The following COL4A6 variants were observed in gnomAD, a reference collection of about 807,000 sequenced individuals.
COL4A6 encodes the protein collagen type IV alpha 6 chain, also known as collagen alpha-6(IV) chain.
Under a neutral mutation model 126.7 loss-of-function variants are expected in COL4A6, and 59 were observed. That is an observed-to-expected ratio of 0.47 (90% CI 0.38 to 0.58). The LOEUF is 0.58. Ranked by LOEUF, COL4A6 falls within the 20% of genes least tolerant of loss-of-function variation. The pLI is 0.00. For missense variants in COL4A6, 1,285 were observed against 1,337.3 expected (o/e 0.96, Z 0.61); for synonymous variants, 547 against 496.6 (o/e 1.10, Z -1.35).
intron 3 of COL4A6, among the ~76,000 whole-genome samples, chrX:108,245,705 C>T (rs1038784608): frequency 2.7e-5 from 3 of 111,754 alleles, no homozygotes; most frequent in African/African-American, 9.7e-5. Context: ...CATATTTTAG[C>T]AGAGGAAACA....
intron 23 of COL4A6, among the ~76,000 whole-genome samples, chrX:108,186,851 T>C (rs906129050): frequency 1.8e-5 from 2 of 111,220 alleles, no homozygotes; most frequent in Non-Finnish European, 3.8e-5. Flanking sequence ...CTCTGTTACA[T>C]TTTCAGACTG....
intron 3 of COL4A6, among the ~76,000 whole-genome samples, chrX:108,308,873 T>C (rs1280885984): frequency 8.9e-6 from 1 of 111,789 alleles, no homozygotes; most frequent in Non-Finnish European, 1.9e-5. Flanking sequence ...CAAGGAGGCC[T>C]ACTCTAAGAT....
chrX:108,205,447 C>CTTT lies in COL4A6; in HGVS notation c.676_678dup (p.Lys226dup). 3 of 1,202,368 alleles carry CTTT rather than the reference C, an allele frequency of 2.5e-6. No homozygotes were observed. Among genetic ancestry groups the CTTT allele is most frequent in the Non-Finnish European group, 3.4e-6 (3 of 887,202 alleles). On this transcript the variant is annotated inframe_insertion, in exon 11 of 45. Transcript: ENST00000334504. ...TTTTAAAAGCTGTTTACCTTGACTC[C>CTTT]TTTCTCTCCTTGAAAACCTAGCCCC...
At chrX:108,326,378 TAAAG>T (rs762114663) in intron 2 of COL4A6, among the ~76,000 whole-genome samples, 37 of 111,502 alleles carry the variant, frequency 3.3e-4, no homozygotes, top group African/African-American at 1.1e-3. Flanking sequence ...CTGAGAAAAT[TAAAG>T]AAGGCTTAAA....
chrX:108,237,617 A>G (rs776010824), intron 3 of COL4A6, among the ~76,000 whole-genome samples: 3 of 111,923 alleles, frequency 2.7e-5, no homozygotes, highest in Non-Finnish European at 5.6e-5. Flanking sequence ...AAAATCACTT[A>G]AAAATTTTGG....
intron 2 of COL4A6, among the ~76,000 whole-genome samples, chrX:108,324,403 C>T (rs1486984561): frequency 8.9e-6 from 1 of 111,813 alleles, no homozygotes; most frequent in Non-Finnish European, 1.9e-5. Context: ...AAATGTTGCC[C>T]ATAATGTTCT....
intron 2 of COL4A6, among the ~76,000 whole-genome samples, chrX:108,386,104 T>C (rs1301354900): frequency 8.9e-6 from 1 of 111,994 alleles, no homozygotes; most frequent in Non-Finnish European, 1.9e-5. Flanking sequence ...CACATTTTCT[T>C]TATCCAGTCT....
chrX:108,389,831 C>A (rs1179002829), intron 2 of COL4A6, among the ~76,000 whole-genome samples: 1 of 111,487 alleles, frequency 9.0e-6, no homozygotes, highest in Non-Finnish European at 1.9e-5. Context: ...CGTCGATGGT[C>A]TTTACAATTT....
chrX:108,376,607 AAAAAT>A (rs57901693), intron 2 of COL4A6, among the ~76,000 whole-genome samples: 33 of 110,903 alleles, frequency 3.0e-4, no homozygotes, highest in African/African-American at 9.4e-4. Flanking sequence ...TCTGTCTCAA[AAAAAT>A]AAAATAAAAT....
chrX:108,197,558 T>C (rs1162357157), intron 13 of COL4A6, among the ~76,000 whole-genome samples: 3 of 111,773 alleles, frequency 2.7e-5, no homozygotes, highest in Non-Finnish European at 3.8e-5. Context: ...ACATCTGTTG[T>C]CCCTTTAATG....
At chrX:108,313,944 T>TCC (rs2038822026) in intron 2 of COL4A6, among the ~76,000 whole-genome samples, 1 of 111,938 alleles carries the variant, frequency 8.9e-6, no homozygotes, top group African/African-American at 3.3e-5. Context: ...ATGGTGATGA[T>TCC]CGTGGGTGGG....
At position 108,176,949 on chromosome X, in the gene COL4A6, C is replaced by T. The variant is rs2034516723; in HGVS notation, c.2578G>A (p.Gly860Arg). The change falls in exon 28 of 45, where the codon GGG becomes AGG. Residue 860 changes from glycine to arginine, a missense_variant. Physicochemically the swap from Gly to Arg is moderately radical, Grantham distance 125 (BLOSUM62 -2). Transcript: ENST00000334504. ...GGAAGGCCTTTTAGCCCTGGCAGCC[C>T]TTTCTTTACAATTGATCCAGGAGGA... ...KGPPGSIVKK[G>R]LPGLKGLPGN... 8.3e-7 allele frequency: 1 copy of T among 1,211,807 alleles called. No homozygotes were observed. The highest frequency in any genetic ancestry group is 3.0e-5 in the East Asian group (1 of 33,843).
At chrX:108,299,980 C>A (rs189564096) in intron 3 of COL4A6, among the ~76,000 whole-genome samples, 2 of 111,804 alleles carry the variant, frequency 1.8e-5, no homozygotes, top group East Asian at 5.6e-4. Context: ...ATACTTATAA[C>A]CCCCACAATA....
chrX:108,336,616 A>G lies in COL4A6; in HGVS notation c.64-25788T>C, dbSNP rs143349260. Among the ~76,000 whole-genome samples, 115 of 111,244 alleles carry G rather than the reference A, an allele frequency of 1.0e-3. 4 individuals are homozygous for G. The East Asian group carries it at 0.031, about 30-fold the overall frequency. On this transcript the variant is annotated intron_variant, in intron 2 of 44. Coordinates refer to ENST00000334504, the MANE Select transcript of COL4A6 (RefSeq NM_033641.4). ...TAATGCCATGAATTGTACTGTTTAA[A>G]TGGTTAAAATGGTAAAATTTATATT...
At chrX:108,360,217 C>A (rs1376077319) in intron 2 of COL4A6, among the ~76,000 whole-genome samples, 1 of 112,295 alleles carries the variant, frequency 8.9e-6, no homozygotes, top group Non-Finnish European at 1.9e-5. Flanking sequence ...TTCTGTTCAA[C>A]TATGACTCTC....
chrX:108,260,375 C>G (rs1338120024), intron 3 of COL4A6, among the ~76,000 whole-genome samples: 1 of 111,530 alleles, frequency 9.0e-6, no homozygotes, highest in Admixed American at 9.5e-5. Flanking sequence ...TGGTTTGGCT[C>G]TGTGTCCCCA....
intron 3 of COL4A6, among the ~76,000 whole-genome samples, chrX:108,243,372 A>T (rs1366122346): frequency 1.8e-5 from 2 of 110,998 alleles, no homozygotes; most frequent in Admixed American, 9.6e-5. Context: ...AGGTCATAAG[A>T]GTGGCACCTT....
chrX:108,320,664 C>G (rs1363484568), intron 2 of COL4A6, among the ~76,000 whole-genome samples: 1 of 111,830 alleles, frequency 8.9e-6, no homozygotes, highest in Non-Finnish European at 1.9e-5. Flanking sequence ...TGTTAATACT[C>G]TGCACAGTGC....
At chrX:108,160,399 G>A in intron 43 of COL4A6, 64 bp downstream of exon 43, 1 of 1,059,544 alleles carries the variant, frequency 9.4e-7, no homozygotes, top group Non-Finnish European at 1.3e-6. Context: ...GGAGAAGAGA[G>A]GGGTTGGCTG....
Sources: gnomAD v4.1 joint callset for allele counts (sites outside exome capture counted in the v4.1 genomes callset) on GRCh38, gnomAD v4.1.1 for gene constraint, MANE v1.5 for transcripts, NCBI Gene and HGNC (gene_info 2026-07-23, HGNC 2026-07-21) for gene names.